Variants in PADI4 observed in about 807,000 individuals in gnomAD.
PADI4 encodes protein-arginine deiminase type-4.
Under a neutral mutation model 75.0 loss-of-function variants are expected in PADI4, and 62 were observed. That is an observed-to-expected ratio of 0.83 (90% confidence interval 0.67 to 1.02). PADI4 has a LOEUF of 1.02. Among genes scored for constraint, PADI4 ranks in the 50% least tolerant of loss-of-function variants. The probability of loss-of-function intolerance (pLI) is 0.00; values close to 1 mark genes in which losing one functional copy is unlikely to be tolerated. For synonymous variants in PADI4, 361 were observed against 348.1 expected (o/e 1.04, Z -0.41); for missense variants, 845 against 850.5 (o/e 0.99, Z 0.08).
In PADI4 at chr1:17,351,982, G is replaced by GAGGTGGT. The variant is rs111567529; in HGVS notation, c.1156-2548_1156-2547insTGGTAGG. Among the ~76,000 whole-genome samples, 141 of 70,466 alleles carry GAGGTGGT rather than the reference G, an allele frequency of 2.0e-3. 6 individuals are homozygous for GAGGTGGT. Among genetic ancestry groups the GAGGTGGT allele is most frequent in the Non-Finnish European group, 2.4e-3 (89 of 36,454 alleles). The allele number at this position is 70,466 out of a possible 152,430, so 46.2% of individuals were successfully genotyped here. A position where few individuals can be genotyped will look rare whatever the true frequency, so the allele number is the denominator to read the frequency against. ...GGAGAGGCGGCCAGGGAGGTGATGG[G>GAGGTGGT]AGGAGAGGCAGTCAGGGAGGTGATG... On this transcript the variant is annotated intron_variant, in intron 10 of 15. Coordinates refer to ENST00000375448, the MANE Select transcript of PADI4 (RefSeq NM_012387.3).
At chr1:17,312,629 T>C (rs907468107) in intron 1 of PADI4, among the ~76,000 whole-genome samples, 8 of 152,148 alleles carry the variant, frequency 5.3e-5, no homozygotes, top group Non-Finnish European at 1.0e-4. Context: ...GCTCAGGGAA[T>C]CTATATTGTC....
intron 10 of PADI4, 141 bp downstream of exon 10, chr1:17,348,189 G>A (rs1175221388): frequency 7.3e-6 from 4 of 544,688 alleles, no homozygotes; most frequent in Non-Finnish European, 6.6e-6. Context: ...CAAAGTGGGA[G>A]CATGTAGGTG....
In PADI4 at chr1:17,362,916, T is replaced by G. The variant is rs184255725; in HGVS notation, c.1759-606T>G. Among the ~76,000 whole-genome samples, 18 of 152,162 alleles carry G rather than the reference T, an allele frequency of 1.2e-4. No individual in the cohort carries two copies. The East Asian group carries it at 3.1e-3, about 26-fold the overall frequency. Reference sequence around the variant, plus strand: ...ATCTCGGCTCACTGAAACCTCCACTTCCTGGGTTCAAGCAATTCTCCTGCC... The same window carrying G: ...ATCTCGGCTCACTGAAACCTCCACTGCCTGGGTTCAAGCAATTCTCCTGCC... On this transcript the variant is annotated intron_variant, in intron 15 of 15. Coordinates refer to ENST00000375448, the MANE Select transcript of PADI4 (RefSeq NM_012387.3).
rs966553867 is a variant in PADI4 at position 17,328,216 on chromosome 1, A to T, written c.93-2753A>T. ...TTGTTTTATTTTTTGTACAGACAGGATCTTCCTATGTTGCCCAGGCTGGTC... is the reference window on the plus strand; with the variant it reads ...TTGTTTTATTTTTTGTACAGACAGGTTCTTCCTATGTTGCCCAGGCTGGTC... On this transcript the variant is annotated intron_variant, in intron 1 of 15. Transcript: ENST00000375448. 4.6e-5 allele frequency among the ~76,000 whole-genome samples: 7 copies of T among 151,274 alleles called. No individual in the cohort carries two copies. In the South Asian group the frequency reaches 6.3e-4, roughly 14 times the overall value.
intron 6 of PADI4, among the ~76,000 whole-genome samples, chr1:17,341,733 C>T (rs1448260622): frequency 6.6e-6 from 1 of 152,218 alleles, no homozygotes; most frequent in African/African-American, 2.4e-5. Context: ...ACCCCTGCCA[C>T]ACCCTTCTGG....
rs148706389 is a variant in PADI4 at position 17,328,603 on chromosome 1, C to T, written c.93-2366C>T. The stretch of plus-strand genomic sequence containing the variant: ...TCAAGGCTGCAGTGAATTGTGATCA[C>T]GTCACTGTCCTCTACCCTGGGTGAC... On this transcript the variant is annotated intron_variant, in intron 1 of 15. Transcript: ENST00000375448. Among the ~76,000 whole-genome samples, 468 of 151,694 alleles carry T rather than the reference C, an allele frequency of 3.1e-3. 5 individuals are homozygous for T. Among genetic ancestry groups the T allele is most frequent in the African/African-American group, 0.011 (437 of 41,360 alleles).
chr1:17,352,985 G>A (rs2074692671), intron 10 of PADI4, among the ~76,000 whole-genome samples: 1 of 152,212 alleles, frequency 6.6e-6, no homozygotes, highest in Non-Finnish European at 1.5e-5. Flanking sequence ...AGTGTGCGGA[G>A]AACACAGGTG....
chr1:17,345,927 G>A, intron 8 of PADI4, 101 bp from the exon 9 acceptor site: 2 of 714,888 alleles, frequency 2.8e-6, no homozygotes, highest in Admixed American at 2.2e-5. Context: ...CTCTGTTCAG[G>A]CCACAGGTGA....
At chr1:17,347,690 C>T (rs2240338) in intron 9 of PADI4, among the ~76,000 whole-genome samples, 55,904 of 151,974 alleles carry the variant, frequency 0.37, 10,589 homozygotes, top group East Asian at 0.59. Context: ...GGGTCCCCAG[C>T]ACTGGCCCAG....
intron 10 of PADI4, among the ~76,000 whole-genome samples, chr1:17,349,037 G>A (rs1439259718): frequency 6.6e-6 from 1 of 152,204 alleles, no homozygotes; most frequent in Non-Finnish European, 1.5e-5. Context: ...TCAACAACTT[G>A]TCCCGAGTCT....
intron 1 of PADI4, among the ~76,000 whole-genome samples, chr1:17,311,433 T>TG (rs2073825534): frequency 6.6e-6 from 1 of 151,700 alleles, no homozygotes; most frequent in Non-Finnish European, 1.5e-5. Context: ...CTAGAAGGGG[T>TG]GGGGGTCCAG....
chr1:17,360,981 C>T (rs77162943), intron 15 of PADI4, among the ~76,000 whole-genome samples: 1,840 of 152,310 alleles, frequency 0.012, 19 homozygotes, highest in Middle Eastern at 0.031. Context: ...CCCCATTCCT[C>T]CCTCTCTTCA....
chr1:17,309,641 C>A (rs940375058), intron 1 of PADI4, among the ~76,000 whole-genome samples: 3 of 152,250 alleles, frequency 2.0e-5, no homozygotes, highest in African/African-American at 7.2e-5. Flanking sequence ...CCAGTCTGGG[C>A]ATCGGTGGCC....
chr1:17,361,027 G>C (rs1295282868), intron 15 of PADI4, among the ~76,000 whole-genome samples: 2 of 152,112 alleles, frequency 1.3e-5, no homozygotes, highest in Non-Finnish European at 2.9e-5. Flanking sequence ...ACTTCACCCG[G>C]TCCTACTGGG....
chr1:17,333,646 G>A (rs1393752243), intron 2 of PADI4, among the ~76,000 whole-genome samples: 1 of 151,584 alleles, frequency 6.6e-6, no homozygotes, highest in Non-Finnish European at 1.5e-5. Flanking sequence ...TCCAGCTGCT[G>A]GGCCCCTACT....
At chr1:17,342,170 T>C (rs2074432636) in intron 7 of PADI4, 49 bp downstream of exon 7, 2 of 1,566,680 alleles carry the variant, frequency 1.3e-6, no homozygotes, top group South Asian at 2.2e-5. Context: ...TTCCAGGCAG[T>C]GGCCTGGCTA....
intron 10 of PADI4, among the ~76,000 whole-genome samples, chr1:17,348,541 G>A (rs555089609): frequency 1.9e-4 from 29 of 152,278 alleles, no homozygotes; most frequent in Admixed American, 4.6e-4. Flanking sequence ...GGGAAGTGAC[G>A]TATTGCTGAC....
At chr1:17,348,108 C>T (rs1329470168) in intron 10 of PADI4, 60 bp downstream of exon 10, 1 of 1,089,086 alleles carries the variant, frequency 9.2e-7, no homozygotes, top group African/African-American at 1.5e-5. Context: ...TTGAGACTCC[C>T]TCCTTTTAGC....
chr1:17,363,898 A>G lies in PADI4; in HGVS notation c.*143A>G, dbSNP rs2074884271. ...CAGTGGCTTGCTTTCTTCTCCTGTG[A>G]TGTCCCAGTTTCCCACTCTGAAGAT... On this transcript the variant is annotated 3_prime_UTR_variant, in exon 16 of 16. Coordinates refer to ENST00000375448, the MANE Select transcript of PADI4 (RefSeq NM_012387.3). 14 of 606,684 alleles carry G rather than the reference A, an allele frequency of 2.3e-5. 1 individual carries two copies. The Middle Eastern group carries it at 1.1e-3, about 47-fold the overall frequency. 37.6% of individuals were successfully genotyped at this position (606,684 alleles called of 1,614,324 possible).
Sources: gnomAD v4.1 joint callset for allele counts (sites outside exome capture counted in the v4.1 genomes callset) on GRCh38, gnomAD v4.1.1 for gene constraint, MANE v1.5 for transcripts, NCBI Gene and HGNC (gene_info 2026-07-23, HGNC 2026-07-21) for gene names.